The following CNTN5 variants were observed in gnomAD, a reference collection of about 807,000 sequenced individuals.
CNTN5 encodes the protein contactin 5, also known as contactin-5.
A neutral mutation model predicts 129.1 loss-of-function variants in CNTN5; 77 were observed. That is an observed-to-expected ratio of 0.60 (90% CI 0.50 to 0.72). The LOEUF (loss-of-function observed/expected upper bound fraction) is 0.72, where lower values mean the gene tolerates loss of function less well. CNTN5 is among the 30% of genes least tolerant of loss of function. CNTN5 has a pLI of 0.00. For synonymous variants in CNTN5, 509 were observed against 465.6 expected (o/e 1.09, Z -1.20); for missense variants, 1,478 against 1,328.8 (o/e 1.11, Z -1.75).
chr11:99,785,236 C>T (rs1945476360), intron 3 of CNTN5, among the ~76,000 whole-genome samples: 1 of 152,060 alleles, frequency 6.6e-6, no homozygotes, highest in Non-Finnish European at 1.5e-5. Flanking sequence ...ATCCTTCGCC[C>T]ACATTTTGAT....
At chr11:99,695,065 A>T (rs1274479250) in intron 3 of CNTN5, among the ~76,000 whole-genome samples, 1 of 152,092 alleles carries the variant, frequency 6.6e-6, no homozygotes, top group Non-Finnish European at 1.5e-5. Flanking sequence ...GAATCAAATG[A>T]AGTCTAATTG....
At chr11:99,897,050 T>C (rs1740785023) in intron 6 of CNTN5, among the ~76,000 whole-genome samples, 1 of 152,052 alleles carries the variant, frequency 6.6e-6, no homozygotes. Context: ...CTAGACCAAG[T>C]GGAAGAAAGA....
chr11:99,021,619 A>G (rs1209222565), intron 1 of CNTN5, among the ~76,000 whole-genome samples: 1 of 152,316 alleles, frequency 6.6e-6, no homozygotes, highest in Non-Finnish European at 1.5e-5. Flanking sequence ...AAAAGAAACT[A>G]AATGTTTGGA....
At chr11:99,727,480 A>C (rs1045781635) in intron 3 of CNTN5, among the ~76,000 whole-genome samples, 1 of 152,020 alleles carries the variant, frequency 6.6e-6, no homozygotes. Flanking sequence ...ATCACTAAAT[A>C]TAATTTTCAT....
At chr11:99,206,506 C>G (rs1332697972) in intron 1 of CNTN5, among the ~76,000 whole-genome samples, 14 of 152,062 alleles carry the variant, frequency 9.2e-5, no homozygotes, top group Admixed American at 9.2e-4. Context: ...AGTGGGAGAT[C>G]GAATTCATCA....
At chr11:100,290,263 G>A (rs1194678835) in intron 18 of CNTN5, among the ~76,000 whole-genome samples, 7 of 151,996 alleles carry the variant, frequency 4.6e-5, no homozygotes, top group African/African-American at 2.4e-5. Flanking sequence ...CTACTTTCAA[G>A]TTCATATGGA....
intron 2 of CNTN5, among the ~76,000 whole-genome samples, chr11:99,532,646 G>C (rs559259942): frequency 1.1e-4 from 17 of 152,292 alleles, no homozygotes; most frequent in African/African-American, 3.9e-4. Context: ...TTATTCTCAT[G>C]CTAGTGAATA....
chr11:99,770,415 C>T (rs373505110), intron 3 of CNTN5, among the ~76,000 whole-genome samples: 5 of 151,962 alleles, frequency 3.3e-5, no homozygotes, highest in African/African-American at 4.8e-5. Context: ...AAAAGAAAAG[C>T]GTATACATGT....
intron 3 of CNTN5, among the ~76,000 whole-genome samples, chr11:99,597,780 T>C (rs963175146): frequency 3.3e-5 from 5 of 152,138 alleles, no homozygotes; most frequent in Admixed American, 2.0e-4. Context: ...AAATGATTAC[T>C]TCTACCTCAC....
chr11:99,252,825 G>A (rs973767151), intron 1 of CNTN5, among the ~76,000 whole-genome samples: 1 of 151,798 alleles, frequency 6.6e-6, no homozygotes, highest in South Asian at 2.1e-4. Context: ...ACATTGTGTT[G>A]CAAATAATTT....
chr11:99,877,626 G>A (rs1948667900), intron 6 of CNTN5, among the ~76,000 whole-genome samples: 1 of 151,546 alleles, frequency 6.6e-6, no homozygotes. Context: ...AAAAAATAAG[G>A]AAAGTGCTGT....
chr11:100,301,193 A>C (rs550653), intron 20 of CNTN5, among the ~76,000 whole-genome samples: 104,812 of 151,504 alleles, frequency 0.69, 36,854 homozygotes, highest in African/African-American at 0.74. Context: ...AATGTTGGAA[A>C]CTAATTATCA....
chr11:100,055,767 T>G (rs1943193992), intron 9 of CNTN5, among the ~76,000 whole-genome samples: 1 of 151,648 alleles, frequency 6.6e-6, no homozygotes, highest in African/African-American at 2.4e-5. Flanking sequence ...TATATTGTAT[T>G]TCCTGTGCTT....
At chr11:100,103,170 A>C (rs2138070982) in intron 13 of CNTN5, among the ~76,000 whole-genome samples, 1 of 152,224 alleles carries the variant, frequency 6.6e-6, no homozygotes, top group East Asian at 1.9e-4. Context: ...TTTAAATGTT[A>C]GTAAATGTTA....
intron 7 of CNTN5, among the ~76,000 whole-genome samples, chr11:99,926,423 C>A (rs1384163649): frequency 6.6e-6 from 1 of 151,994 alleles, no homozygotes; most frequent in Admixed American, 6.6e-5. Flanking sequence ...TAAATAAATA[C>A]CAGAAATTGT....
intron 2 of CNTN5, among the ~76,000 whole-genome samples, chr11:99,553,752 A>T (rs1362049975): frequency 6.6e-6 from 1 of 151,922 alleles, no homozygotes; most frequent in African/African-American, 2.4e-5. Flanking sequence ...ACAATTTGTC[A>T]ATAGAAAAAG....
intron 13 of CNTN5, among the ~76,000 whole-genome samples, chr11:100,147,519 C>G (rs1946892299): frequency 6.6e-6 from 1 of 152,056 alleles, no homozygotes; most frequent in African/African-American, 2.4e-5. Flanking sequence ...GCAACTCTTG[C>G]CTGCAGCTGG....
chr11:99,394,998 A>C (rs1323202127), intron 2 of CNTN5, among the ~76,000 whole-genome samples: 1 of 151,872 alleles, frequency 6.6e-6, no homozygotes, highest in East Asian at 1.9e-4. Context: ...GCTGCAGTGA[A>C]TATGCACATG....
chr11:99,666,246 G>T (rs1952788491), intron 3 of CNTN5, among the ~76,000 whole-genome samples: 1 of 152,132 alleles, frequency 6.6e-6, no homozygotes, highest in Admixed American at 6.5e-5. Flanking sequence ...TGGATTATAG[G>T]CATGAGCCAC....
Sources: gnomAD v4.1 joint callset for allele counts (sites outside exome capture counted in the v4.1 genomes callset) on GRCh38, gnomAD v4.1.1 for gene constraint, MANE v1.5 for transcripts, NCBI Gene and HGNC (gene_info 2026-07-23, HGNC 2026-07-21) for gene names.